The following RALGPS1 variants were observed in gnomAD, a reference collection of about 807,000 sequenced individuals.
RALGPS1 encodes Ral GEF with PH domain and SH3 binding motif 1, also known as ras-specific guanine nucleotide-releasing factor RalGPS1.
RALGPS1 carries 19 observed loss-of-function variants against 78.8 expected under a neutral mutation model. The observed-to-expected ratio is 0.24, with a 90% CI of 0.17 to 0.35. The LOEUF (loss-of-function observed/expected upper bound fraction) is 0.35, where lower values mean the gene tolerates loss of function less well. Among genes scored for constraint, RALGPS1 ranks in the 10% least tolerant of loss-of-function variants. The probability of loss-of-function intolerance (pLI) is 1.00; values close to 1 mark genes in which losing one functional copy is unlikely to be tolerated. For synonymous variants in RALGPS1, 228 were observed against 256.3 expected (o/e 0.89, Z 1.06); for missense variants, 454 against 688.3 (o/e 0.66, Z 3.81).
At chr9:126,960,551 A>G (rs700121) in intron 1 of RALGPS1, among the ~76,000 whole-genome samples, 4,178 of 152,084 alleles carry the variant, frequency 0.027, 52 homozygotes, top group Middle Eastern at 0.048. Flanking sequence ...TTTCTTTGAC[A>G]GCATACTTCT....
chr9:127,108,467 G>C (rs1392166339), intron 8 of RALGPS1: 3 of 1,611,990 alleles, frequency 1.9e-6, no homozygotes, highest in Non-Finnish European at 2.5e-6. Context: ...AGCAGCTCTA[G>C]CTCCTGCTTA....
chr9:126,937,570 A>G (rs2036381628), intron 1 of RALGPS1, among the ~76,000 whole-genome samples: 1 of 152,232 alleles, frequency 6.6e-6, no homozygotes, highest in Non-Finnish European at 1.5e-5. Flanking sequence ...GATCAAAGAT[A>G]TCATGGACCC....
chr9:127,199,935 C>T (rs1818679674), intron 14 of RALGPS1, among the ~76,000 whole-genome samples: 1 of 152,026 alleles, frequency 6.6e-6, no homozygotes, highest in Non-Finnish European at 1.5e-5. Flanking sequence ...CTCACATATA[C>T]ACACATGCCC....
chr9:127,175,465 G>A (rs1028180092), intron 11 of RALGPS1, among the ~76,000 whole-genome samples: 3 of 152,050 alleles, frequency 2.0e-5, no homozygotes, highest in Non-Finnish European at 4.4e-5. Context: ...CTGCTTCATC[G>A]TTATTATTTA....
chr9:126,949,027 CATT>C (rs1266638144), intron 1 of RALGPS1, among the ~76,000 whole-genome samples: 3 of 151,380 alleles, frequency 2.0e-5, no homozygotes, highest in African/African-American at 7.3e-5. Context: ...CATGTGTTCT[CATT>C]GTTCAATTCC....
intron 1 of RALGPS1, among the ~76,000 whole-genome samples, chr9:126,948,743 C>A (rs2037516344): frequency 6.6e-6 from 1 of 151,946 alleles, no homozygotes; most frequent in South Asian, 2.1e-4. Flanking sequence ...GCTCCGTAAA[C>A]ATAGGCGCTT....
At chr9:127,186,358 G>A (rs973090814) in intron 11 of RALGPS1, among the ~76,000 whole-genome samples, 6 of 152,238 alleles carry the variant, frequency 3.9e-5, no homozygotes, top group African/African-American at 1.2e-4. Flanking sequence ...AGCTGTCCGT[G>A]CCATATCGGG....
chr9:127,126,001 G>T (rs2137986138), intron 8 of RALGPS1, among the ~76,000 whole-genome samples: 1 of 152,252 alleles, frequency 6.6e-6, no homozygotes, highest in East Asian at 1.9e-4. Flanking sequence ...ATGAGGAGCG[G>T]TGGGTCAGGG....
rs760557910 is a variant in RALGPS1, at chr9:127,049,775, C to T, written c.301-268C>T. 7.9e-4 allele frequency among the ~76,000 whole-genome samples: 120 copies of T among 152,210 alleles called. 2 individuals carry two copies. The highest frequency in any genetic ancestry group is 3.5e-4 in the Non-Finnish European group (24 of 68,048). ...TCTCGAGACTCGTGTCACGGAGGCCCAGCGCTCCCTGGGATGACGAGGAAA... is the reference window on the plus strand; with the variant it reads ...TCTCGAGACTCGTGTCACGGAGGCCTAGCGCTCCCTGGGATGACGAGGAAA... On this transcript the variant is annotated intron_variant, in intron 5 of 18. Coordinates refer to ENST00000259351, the MANE Select transcript of RALGPS1 (RefSeq NM_014636.3).
chr9:126,994,671 T>TA (rs1292947942), intron 4 of RALGPS1, among the ~76,000 whole-genome samples: 1 of 152,072 alleles, frequency 6.6e-6, no homozygotes, highest in Non-Finnish European at 1.5e-5. Flanking sequence ...ATTCAGGAAA[T>TA]ACAGAGAATG....
At chr9:127,041,115 G>A (rs2047278671) in intron 5 of RALGPS1, among the ~76,000 whole-genome samples, 1 of 144,826 alleles carries the variant, frequency 6.9e-6, no homozygotes, top group South Asian at 2.2e-4. Context: ...TCCCCGAGGT[G>A]GAGTCTTGCT....
chr9:127,052,345 A>G (rs1273754057), intron 6 of RALGPS1, among the ~76,000 whole-genome samples: 1 of 152,186 alleles, frequency 6.6e-6, no homozygotes, highest in Non-Finnish European at 1.5e-5. Context: ...ATTGAATCCA[A>G]ATGTTCTCAC....
At chr9:127,001,955 T>G (rs777531008) in intron 4 of RALGPS1, among the ~76,000 whole-genome samples, 3 of 152,190 alleles carry the variant, frequency 2.0e-5, no homozygotes, top group Non-Finnish European at 2.9e-5. Context: ...TAAATGATAA[T>G]CTGTTAAAGT....
intron 8 of RALGPS1, among the ~76,000 whole-genome samples, chr9:127,127,923 C>T (rs943857391): frequency 2.6e-5 from 4 of 151,998 alleles, no homozygotes; most frequent in South Asian, 2.1e-4. Flanking sequence ...ATGTGCACAA[C>T]GTGCAGGTTT....
At chr9:127,034,647 C>T in intron 5 of RALGPS1, 133 bp downstream of exon 5, 1 of 727,500 alleles carries the variant, frequency 1.4e-6, no homozygotes, top group Non-Finnish European at 2.5e-6. Context: ...TATGAGTCCC[C>T]CACCTTTATC....
intron 4 of RALGPS1, chr9:126,989,974 A>G: frequency 5.2e-6 from 8 of 1,550,522 alleles, no homozygotes; most frequent in Non-Finnish European, 7.0e-6. Context: ...GCAGTTCAGG[A>G]AAACACTGCC....
chr9:127,112,340 C>T (rs1184206486), intron 8 of RALGPS1, among the ~76,000 whole-genome samples: 2 of 152,210 alleles, frequency 1.3e-5, no homozygotes, highest in Non-Finnish European at 2.9e-5. Context: ...GAGGAGCCGC[C>T]CCCGACCCTG....
chr9:126,949,873 C>T (rs1284642340), intron 1 of RALGPS1, among the ~76,000 whole-genome samples: 1 of 152,134 alleles, frequency 6.6e-6, no homozygotes, highest in East Asian at 1.9e-4. Context: ...GTGTTTTAGA[C>T]ATGAAGTCCT....
chr9:127,092,722 C>G (rs1328205086), intron 8 of RALGPS1, among the ~76,000 whole-genome samples: 1 of 152,098 alleles, frequency 6.6e-6, no homozygotes, highest in Non-Finnish European at 1.5e-5. Flanking sequence ...GGATTTGAAC[C>G]AAGAACCCAG....
Sources: allele counts gnomAD v4.1 joint callset (sites outside exome capture counted in the v4.1 genomes callset), GRCh38; gene constraint gnomAD v4.1.1; transcripts MANE v1.5; gene names NCBI Gene and HGNC (gene_info 2026-07-23, HGNC 2026-07-21).